The following SLX4IP variants were observed in gnomAD, a reference collection of about 807,000 sequenced individuals.
The protein encoded by SLX4IP is protein SLX4IP.
SLX4IP carries 34 observed loss-of-function variants against 32.9 expected under a neutral mutation model. The ratio of observed to expected loss-of-function variants is 1.03; its 90% CI spans 0.79 to 1.38. The LOEUF is 1.38. Ranked by LOEUF, SLX4IP falls within the 40% of genes most tolerant of loss-of-function variation. The pLI, the probability that SLX4IP is intolerant of heterozygous loss-of-function variation, is 0.00. For synonymous variants in SLX4IP, 172 were observed against 171.7 expected (o/e 1.00, Z -0.01); for missense variants, 444 against 479.0 (o/e 0.93, Z 0.68).
At chr20:10,613,398 C>T (rs1452252787) in intron 6 of SLX4IP, 7 of 1,525,192 alleles carry the variant, frequency 4.6e-6, no homozygotes, top group African/African-American at 1.4e-5. Context: ...ACAATGGCAT[C>T]AATTTACACC....
intron 6 of SLX4IP, chr20:10,613,507 T>C (rs2066991823): frequency 6.2e-7 from 1 of 1,607,208 alleles, no homozygotes; most frequent in Admixed American, 1.7e-5. Context: ...TTTGCTTCCA[T>C]CTGAGCCAGA....
intron 4 of SLX4IP, among the ~76,000 whole-genome samples, chr20:10,595,993 AG>A (rs2066766579): frequency 6.6e-6 from 1 of 152,196 alleles, no homozygotes; most frequent in Non-Finnish European, 1.5e-5. Flanking sequence ...TGGGAGGTGT[AG>A]GGGTCAAGGT....
At chr20:10,533,518 A>G (rs1220290241) in intron 2 of SLX4IP, among the ~76,000 whole-genome samples, 2 of 151,454 alleles carry the variant, frequency 1.3e-5, no homozygotes, top group Non-Finnish European at 2.9e-5. Context: ...GGGTTTTACC[A>G]TGTTGGTGAG....
At chr20:10,504,450 G>C (rs1033673974) in intron 2 of SLX4IP, among the ~76,000 whole-genome samples, 1 of 152,138 alleles carries the variant, frequency 6.6e-6, no homozygotes, top group African/African-American at 2.4e-5. Context: ...TCCTAGACCC[G>C]CTTCCTGGCC....
At chr20:10,440,004 A>G (rs2122314021) in intron 1 of SLX4IP, among the ~76,000 whole-genome samples, 1 of 152,332 alleles carries the variant, frequency 6.6e-6, no homozygotes, top group African/African-American at 2.4e-5. Flanking sequence ...TGAATAAATC[A>G]GAGGTGGTTT....
chr20:10,449,140 G>T (rs950833163), intron 1 of SLX4IP, among the ~76,000 whole-genome samples: 1 of 152,162 alleles, frequency 6.6e-6, no homozygotes, highest in Non-Finnish European at 1.5e-5. Context: ...ATAAACCAAA[G>T]AAAAGATGGT....
intron 2 of SLX4IP, among the ~76,000 whole-genome samples, chr20:10,528,383 C>G (rs1362036546): frequency 3.3e-5 from 5 of 152,112 alleles, no homozygotes; most frequent in African/African-American, 1.2e-4. Flanking sequence ...CTGAATCATT[C>G]AAATGGGATT....
intron 4 of SLX4IP, among the ~76,000 whole-genome samples, chr20:10,580,920 C>A (rs2066578611): frequency 6.6e-6 from 1 of 152,028 alleles, no homozygotes; most frequent in South Asian, 2.1e-4. Context: ...TAATAGCTCA[C>A]CATGAATGTG....
At chr20:10,565,576 C>G (rs74516716) in intron 4 of SLX4IP, among the ~76,000 whole-genome samples, 4,404 of 152,300 alleles carry the variant, frequency 0.029, 109 homozygotes, top group Admixed American at 0.09. Flanking sequence ...CTCCTAGTTA[C>G]AAGTGAGTCA....
chr20:10,455,901 G>A (rs1199029395), intron 1 of SLX4IP, among the ~76,000 whole-genome samples: 2 of 152,060 alleles, frequency 1.3e-5, no homozygotes, highest in East Asian at 1.9e-4. Flanking sequence ...GTGAGCCACC[G>A]TGCCTGGCCT....
chr20:10,616,375 T>TC (rs1441315359), intron 6 of SLX4IP, among the ~76,000 whole-genome samples: 2 of 57,836 alleles, frequency 3.5e-5, no homozygotes, highest in Admixed American at 1.7e-4. Flanking sequence ...AAATGTCAAG[T>TC]CCCAAAAAAA....
Position 10,612,721 on chromosome 20 carries a change from G to A in SLX4IP, c.406-8593G>A, listed in dbSNP as rs8115644. On this transcript the variant is annotated intron_variant, in intron 6 of 7. Coordinates refer to ENST00000334534, the MANE Select transcript of SLX4IP (RefSeq NM_001009608.3). ...CGCCCGGCTAATTTTCGTGTTTTTA[G>A]TAGTGACAGGATTTCACCATGTTAG... The A allele has an allele frequency of 5.2e-3, 797 of 152,302 alleles. 6 individuals are homozygous for A. The highest frequency in any genetic ancestry group is 8.2e-3 in the Non-Finnish European group (559 of 68,128). The allele number at this position is 152,302 out of a possible 1,614,324, so 9.4% of individuals were successfully genotyped here.
chr20:10,594,327 G>A (rs144231721), intron 4 of SLX4IP, among the ~76,000 whole-genome samples: 112 of 152,278 alleles, frequency 7.4e-4, no homozygotes, highest in African/African-American at 2.6e-3. Context: ...CTGGAAGAGA[G>A]CCACACAGGT....
intron 4 of SLX4IP, among the ~76,000 whole-genome samples, chr20:10,588,464 A>G (rs999514757): frequency 3.3e-5 from 5 of 152,184 alleles, no homozygotes; most frequent in African/African-American, 1.2e-4. Context: ...AAAAGTAGAA[A>G]CAGAACTACC....
chr20:10,614,726 G>T (rs1174692325), intron 6 of SLX4IP, among the ~76,000 whole-genome samples: 1 of 152,178 alleles, frequency 6.6e-6, no homozygotes, highest in Admixed American at 6.5e-5. Flanking sequence ...TGACCCTGGG[G>T]CGTGGTGTTA....
chr20:10,457,645 G>T (rs2065297433), intron 1 of SLX4IP, among the ~76,000 whole-genome samples: 1 of 151,814 alleles, frequency 6.6e-6, no homozygotes, highest in Non-Finnish European at 1.5e-5. Context: ...TCTTCATAAG[G>T]GACATTGATG....
chr20:10,566,223 T>C (rs999977349), intron 4 of SLX4IP, among the ~76,000 whole-genome samples: 21 of 149,088 alleles, frequency 1.4e-4, no homozygotes, highest in African/African-American at 4.9e-4. Flanking sequence ...CTTGATGAGA[T>C]TGCCATTGTT....
At chr20:10,448,177 C>A (rs1258876950) in intron 1 of SLX4IP, among the ~76,000 whole-genome samples, 1 of 152,074 alleles carries the variant, frequency 6.6e-6, no homozygotes, top group Admixed American at 6.5e-5. Context: ...ATTTTTCATT[C>A]TTTTACTGCC....
Position 10,543,622 on chromosome 20 carries a change from C to G in SLX4IP, c.28-12609C>G, listed in dbSNP as rs73604314. Among the ~76,000 whole-genome samples, 65 of 152,264 alleles carry G rather than the reference C, an allele frequency of 4.3e-4. 1 individual carries two copies. In the East Asian group the frequency reaches 0.012, roughly 29 times the overall value. ...TCCAGTGAGGAGGGAGGAGAACGAG[C>G]AAAGCTGACTTCTGGTGTCCCAAGA... On this transcript the variant is annotated intron_variant, in intron 2 of 7. Coordinates refer to ENST00000334534, the MANE Select transcript of SLX4IP (RefSeq NM_001009608.3).
Sources: gnomAD v4.1 joint callset for allele counts (sites outside exome capture counted in the v4.1 genomes callset) on GRCh38, gnomAD v4.1.1 for gene constraint, MANE v1.5 for transcripts, NCBI Gene and HGNC (gene_info 2026-07-23, HGNC 2026-07-21) for gene names.